The following MEP1A variants were observed in gnomAD, a reference collection of about 807,000 sequenced individuals.
MEP1A encodes meprin A subunit alpha.
A neutral mutation model predicts 84.5 loss-of-function variants in MEP1A; 68 were observed. The ratio of observed to expected loss-of-function variants is 0.80; its 90% CI spans 0.66 to 0.98. The LOEUF is 0.98. MEP1A is among the 50% of genes least tolerant of loss of function. MEP1A has a pLI of 0.00. For synonymous variants in MEP1A, 337 were observed against 336.8 expected, an observed-to-expected ratio of 1.00 and a Z score of -0.01; for missense variants, 887 against 919.9, an observed-to-expected ratio of 0.96 and a Z score of 0.46.
chr6:46,842,468 C>T (rs563007667), downstream of MEP1A, among the ~76,000 whole-genome samples: 22 of 152,186 alleles, frequency 1.4e-4, no homozygotes, highest in African/African-American at 4.3e-4. Context: ...CTGTCTTATG[C>T]AGTTGAGATA....
chr6:46,828,234 C>G (rs1312546234), intron 9 of MEP1A, among the ~76,000 whole-genome samples: 1 of 129,174 alleles, frequency 7.7e-6, no homozygotes, highest in Non-Finnish European at 1.6e-5. Flanking sequence ...GCCTTGTGCG[C>G]TGTTTTTTTT....
intron 10 of MEP1A, among the ~76,000 whole-genome samples, chr6:46,830,448 T>C (rs1166039067): frequency 6.6e-6 from 1 of 152,166 alleles, no homozygotes; most frequent in African/African-American, 2.4e-5. Context: ...TGTATATTTA[T>C]ATAAGAAGGT....
chr6:46,796,423 C>T (rs1167192387), intron 3 of MEP1A, among the ~76,000 whole-genome samples: 1 of 151,022 alleles, frequency 6.6e-6, no homozygotes, highest in Non-Finnish European at 1.5e-5. Flanking sequence ...AATAAAATAG[C>T]AAACCTATCT....
chr6:46,836,617 A>G (rs1480288521), intron 13 of MEP1A, among the ~76,000 whole-genome samples: 3 of 152,156 alleles, frequency 2.0e-5, no homozygotes. Flanking sequence ...GGCCTTATTC[A>G]GCTCTTCCCA....
chr6:46,802,095 T>C (rs1767208160), intron 5 of MEP1A, among the ~76,000 whole-genome samples: 1 of 151,986 alleles, frequency 6.6e-6, no homozygotes, highest in Non-Finnish European at 1.5e-5. Flanking sequence ...TTCATGTATA[T>C]TTTACAATCA....
At chr6:46,824,566 A>G (rs913817459) in intron 7 of MEP1A, among the ~76,000 whole-genome samples, 5 of 140,730 alleles carry the variant, frequency 3.6e-5, no homozygotes, top group African/African-American at 1.3e-4. Flanking sequence ...TATATTAAAT[A>G]GATGTATTTA....
chr6:46,803,261 C>T (rs764055093), intron 5 of MEP1A, among the ~76,000 whole-genome samples: 2 of 151,222 alleles, frequency 1.3e-5, no homozygotes, highest in Non-Finnish European at 3.0e-5. Context: ...TTCTTATTTT[C>T]TATTATGCTG....
intron 5 of MEP1A, among the ~76,000 whole-genome samples, chr6:46,802,012 A>G (rs1484446663): frequency 6.6e-6 from 1 of 151,968 alleles, no homozygotes; most frequent in Non-Finnish European, 1.5e-5. Context: ...CTTCACAGTT[A>G]ACCTTGAATT....
chr6:46,803,245 G>T (rs1391597240), intron 5 of MEP1A, among the ~76,000 whole-genome samples: 2 of 151,532 alleles, frequency 1.3e-5, no homozygotes, highest in Non-Finnish European at 3.0e-5. Context: ...AATAATTATA[G>T]AATTATTCTT....
Position 46,839,029 on chromosome 6 carries a change from G to A in MEP1A, c.2134G>A (p.Val712Met), listed in dbSNP as rs115391170. 45,663 of 1,613,620 alleles carry A rather than the reference G, an allele frequency of 0.028. 766 individuals are homozygous for A. Among genetic ancestry groups the A allele is most frequent in the South Asian group, 0.041 (3,701 of 91,038 alleles). Residue 712 changes from valine (V) to methionine (M), a missense_variant, in exon 14 of 14, where the codon GTG becomes ATG. Val to Met is a conservative substitution (Grantham distance 21). Coordinates refer to ENST00000230588, the MANE Select transcript of MEP1A (RefSeq NM_005588.3). ...FFYTGERCQA[V>M]QVHGSVLGMV... Reference sequence around the variant, plus strand: ...CTACACGGGGGAGCGCTGTCAGGCCGTGCAGGTGCACGGCAGTGTCCTGGG... The same window carrying A: ...CTACACGGGGGAGCGCTGTCAGGCCATGCAGGTGCACGGCAGTGTCCTGGG...
intron 9 of MEP1A, among the ~76,000 whole-genome samples, chr6:46,827,868 G>GA (rs1339108150): frequency 1.3e-5 from 2 of 152,104 alleles, no homozygotes; most frequent in Admixed American, 1.3e-4. Context: ...GGAATCTGCT[G>GA]AAAAAATGTT....
chr6:46,811,079 A>G (rs1767487985), intron 6 of MEP1A, among the ~76,000 whole-genome samples: 1 of 152,130 alleles, frequency 6.6e-6, no homozygotes, highest in Admixed American at 6.6e-5. Flanking sequence ...CTTTCACAGT[A>G]TGGATTCTAC....
At chr6:46,794,760 T>C (rs759165073) in intron 3 of MEP1A, among the ~76,000 whole-genome samples, 13 of 152,242 alleles carry the variant, frequency 8.5e-5, no homozygotes, top group Admixed American at 4.6e-4. Context: ...AATATCTCTC[T>C]TTAGAGTTAG....
At chr6:46,820,797 T>A (rs922187765) in intron 7 of MEP1A, among the ~76,000 whole-genome samples, 3 of 152,106 alleles carry the variant, frequency 2.0e-5, no homozygotes, top group Non-Finnish European at 4.4e-5. Context: ...AAGTCAATGC[T>A]GTGTTTCTGA....
chr6:46,823,045 T>A (rs1008236680), intron 7 of MEP1A, among the ~76,000 whole-genome samples: 1 of 152,208 alleles, frequency 6.6e-6, no homozygotes, highest in African/African-American at 2.4e-5. Context: ...ATTGTTTCTT[T>A]TAGACTTGTC....
chr6:46,819,383 T>C (rs1767713566), intron 6 of MEP1A, 146 bp from the exon 7 acceptor site: 1 of 650,366 alleles, frequency 1.5e-6, no homozygotes, highest in African/African-American at 1.8e-5. Flanking sequence ...GTCCCCATCT[T>C]TGGACCATTA....
chr6:46,838,350 A>G (rs1025938185), intron 13 of MEP1A, among the ~76,000 whole-genome samples: 7 of 152,214 alleles, frequency 4.6e-5, no homozygotes, highest in African/African-American at 1.7e-4. Flanking sequence ...GTTGATCTTT[A>G]TACCAGATAA....
In MEP1A at chr6:46,834,592, G is replaced by T; in HGVS notation, c.1624G>T (p.Val542Phe). ...CAACTTTGCAGCGATAAATGACACTGTCATCTGGGACAGGCCGTCCAGGGT... is the reference window on the plus strand; with the variant it reads ...CAACTTTGCAGCGATAAATGACACTTTCATCTGGGACAGGCCGTCCAGGGT... ...SHTSPAINDT[V>F]IWDRPSRVGT... Residue 542 changes from valine to phenylalanine, a missense_variant, in exon 12 of 14, where the codon GTC (valine) becomes TTC (phenylalanine). By Grantham distance (50) the Val-to-Phe change is conservative. Coordinates refer to ENST00000230588, the MANE Select transcript of MEP1A (RefSeq NM_005588.3). 6.2e-6 allele frequency: 10 copies of T among 1,607,108 alleles called. No individual in the cohort carries two copies. Among genetic ancestry groups the T allele is most frequent in the Non-Finnish European group, 8.5e-6 (10 of 1,177,452 alleles).
rs186675766 is a variant in MEP1A at position 46,803,159 on chromosome 6, C to G, written c.262+3978C>G. 7.7e-3 allele frequency among the ~76,000 whole-genome samples: 1,163 copies of G among 151,468 alleles called. 17 individuals are homozygous for G. Among genetic ancestry groups the G allele is most frequent in the African/African-American group, 0.025 (1,043 of 41,430 alleles). ...AATAAATTTGTTTGTTGGTAAAATT[C>G]ACCGATAAAATAAAATAACCAAGTA... On this transcript the variant is annotated intron_variant, in intron 5 of 13. Transcript: ENST00000230588.
Sources: gnomAD v4.1 joint callset for allele counts (sites outside exome capture counted in the v4.1 genomes callset) on GRCh38, gnomAD v4.1.1 for gene constraint, MANE v1.5 for transcripts, NCBI Gene and HGNC (gene_info 2026-07-23, HGNC 2026-07-21) for gene names.